FYB2: variants seen among roughly 807,000 people sequenced by gnomAD.
FYB2 encodes FYN-binding protein 2.
FYB2 carries 103 observed loss-of-function variants against 94.1 expected under a neutral mutation model. That is an observed-to-expected ratio of 1.09 (90% CI 0.93 to 1.29). The LOEUF (loss-of-function observed/expected upper bound fraction) is 1.29, where lower values mean the gene tolerates loss of function less well. FYB2 is among the 50% of genes most tolerant of loss of function. The pLI is 0.00. For synonymous variants in FYB2, 293 were observed against 287.9 expected, an observed-to-expected ratio of 1.02 and a Z score of -0.18; for missense variants, 896 against 841.5, an observed-to-expected ratio of 1.06 and a Z score of -0.80.
intron 15 of FYB2, among the ~76,000 whole-genome samples, chr1:56,727,406 T>C (rs12075092): frequency 0.15 from 22,313 of 152,038 alleles, 2,670 homozygotes; most frequent in African/African-American, 0.32. Context: ...TGTGGCAGTA[T>C]TATTTGTAAG....
intron 4 of FYB2, among the ~76,000 whole-genome samples, chr1:56,784,479 T>C (rs892504832): frequency 4.6e-5 from 7 of 152,162 alleles, no homozygotes; most frequent in Admixed American, 1.3e-4. Flanking sequence ...GAGCACCAGT[T>C]TCCAGGGAAG....
At position 56,719,908 on chromosome 1, in the gene FYB2, A is replaced by T. The variant is rs558650643; in HGVS notation, c.2165+114T>A. ...TTATAGAATAGGGCACTGCATGTCT[A>T]ATTTTTAAAACTTATCCTGAATTTC... On this transcript the variant is annotated intron_variant, in intron 19 of 19. Coordinates refer to ENST00000343433, the MANE Select transcript of FYB2 (RefSeq NM_001004303.5). The T allele has an allele frequency of 2.7e-5, 32 of 1,195,468 alleles. No individual in the cohort carries two copies. In the South Asian group the frequency reaches 5.1e-4, roughly 19 times the overall value. The allele number at this position is 1,195,468 out of a possible 1,614,324, so 74.1% of individuals were successfully genotyped here. A position where few individuals can be genotyped will look rare whatever the true frequency, so the allele number is the denominator to read the frequency against.
At chr1:56,741,964 G>T (rs572121759) in intron 12 of FYB2, among the ~76,000 whole-genome samples, 197 bp downstream of exon 12, 103 of 151,340 alleles carry the variant, frequency 6.8e-4, no homozygotes, top group African/African-American at 2.3e-3. Flanking sequence ...ACAATTACAA[G>T]TATCCTATTG....
chr1:56,767,529 A>G (rs747476824), intron 5 of FYB2, among the ~76,000 whole-genome samples: 1 of 152,206 alleles, frequency 6.6e-6, no homozygotes, highest in Non-Finnish European at 1.5e-5. Context: ...GAATCATCAT[A>G]TCTTGATTTT....
Position 56,814,241 on chromosome 1 carries a change from C to T in FYB2, c.9+5041G>A, listed in dbSNP as rs535031639. ...CTCGAGTTAGAGTATACAGGGCAGG[C>T]ACCAGAGTGCCTCGGCTTTATCATC... is the stretch of plus-strand genomic sequence containing the variant. On this transcript the variant is annotated intron_variant, in intron 1 of 19. Coordinates refer to ENST00000343433, the MANE Select transcript of FYB2 (RefSeq NM_001004303.5). Among the ~76,000 whole-genome samples the T allele has an allele frequency of 4.6e-5, 7 of 152,318 alleles. No homozygotes were observed. The East Asian group carries it at 1.4e-3, about 29-fold the overall frequency.
At position 56,757,944 on chromosome 1, in the gene FYB2, A is replaced by AT. The variant is rs57915983; in HGVS notation, c.1098+771dup. On this transcript the variant is annotated intron_variant, in intron 6 of 19. Transcript: ENST00000343433. ...ACCACCACTCCTGGCTAATTTTTGTATTTTTTTTTTTTTTTGTAGGGACAG... is the reference window on the plus strand; with the variant it reads ...ACCACCACTCCTGGCTAATTTTTGTATTTTTTTTTTTTTTTTGTAGGGACAG... Among the ~76,000 whole-genome samples the AT allele has an allele frequency of 5.9e-4, 82 of 139,260 alleles. 1 individual carries two copies. Among genetic ancestry groups the AT allele is most frequent in the South Asian group, 1.1e-3 (5 of 4,358 alleles). 91.4% of individuals were successfully genotyped at this position (139,260 alleles called of 152,430 possible). A position where few individuals can be genotyped will look rare whatever the true frequency, so the allele number is the denominator to read the frequency against.
Position 56,744,180 on chromosome 1 carries a change from C to T in FYB2, c.1474G>A (p.Asp492Asn). 1.2e-6 allele frequency: 2 copies of T among 1,612,702 alleles called. No individual in the cohort carries two copies. The highest frequency in any genetic ancestry group is 1.7e-5 in the Admixed American group (1 of 59,806). ...KTSSISEEIY[D>N]DVEYSRKEVP... ...TCTTTCCTGGAGTACTCGACATCAT[C>T]ATATATCTCCTCCGAGATGGAACTT... The change falls in exon 10 of 20, where the codon GAT becomes AAT. Residue 492 changes from aspartate (D) to asparagine (N), a missense_variant. Physicochemically the swap from Asp to Asn is conservative, Grantham distance 23. Coordinates refer to ENST00000343433, the MANE Select transcript of FYB2 (RefSeq NM_001004303.5).
At position 56,742,279 on chromosome 1, in the gene FYB2, T is replaced by C. The variant is rs1644973931; in HGVS notation, c.1544-58A>G. 6 of 1,339,408 alleles carry C rather than the reference T, an allele frequency of 4.5e-6. No individual in the cohort carries two copies. The South Asian group carries it at 6.5e-5, about 14-fold the overall frequency. The allele number at this position is 1,339,408 out of a possible 1,614,324, so 83.0% of individuals were successfully genotyped here. ...TTATAATAGCAATAGTTCAGATTCA[T>C]ATTTAACAAAAAGTATTAGATACTT... is the stretch of plus-strand genomic sequence containing the variant. On this transcript the variant is annotated intron_variant, in intron 11 of 19. Transcript: ENST00000343433.
At chr1:56,765,538 T>A (rs1454154792) in intron 5 of FYB2, among the ~76,000 whole-genome samples, 1 of 152,190 alleles carries the variant, frequency 6.6e-6, no homozygotes, top group Non-Finnish European at 1.5e-5. Flanking sequence ...TGGGCCACAT[T>A]TTTTTCTATG....
At chr1:56,815,991 T>C (rs1368161476) in intron 1 of FYB2, among the ~76,000 whole-genome samples, 1 of 152,128 alleles carries the variant, frequency 6.6e-6, no homozygotes, top group Non-Finnish European at 1.5e-5. Context: ...AACTATACAA[T>C]AAAACAAAAT....
At chr1:56,726,440 G>T (rs1190418662) in intron 16 of FYB2, 57 bp downstream of exon 16, 12 of 1,490,094 alleles carry the variant, frequency 8.1e-6, no homozygotes, top group Non-Finnish European at 1.1e-5. Context: ...CACACAGCTA[G>T]TAAGAGGTAT....
intron 7 of FYB2, among the ~76,000 whole-genome samples, chr1:56,755,391 G>A (rs1440774829): frequency 6.6e-6 from 1 of 152,108 alleles, no homozygotes; most frequent in African/African-American, 2.4e-5. Flanking sequence ...TGGAATGAAG[G>A]AAGGGTTCAT....
chr1:56,781,397 A>G (rs1224290643), intron 4 of FYB2, among the ~76,000 whole-genome samples: 1 of 152,086 alleles, frequency 6.6e-6, no homozygotes, highest in Non-Finnish European at 1.5e-5. Flanking sequence ...TTCCTTCCAA[A>G]CAAATCTTTA....
At chr1:56,734,069 A>C (rs1644773870) in intron 15 of FYB2, among the ~76,000 whole-genome samples, 1 of 152,108 alleles carries the variant, frequency 6.6e-6, no homozygotes, top group Non-Finnish European at 1.5e-5. Context: ...TAGGTCCCTA[A>C]GGACTTGCTT....
chr1:56,719,679 A>T lies in FYB2; in HGVS notation c.2179T>A (p.Ser727Thr), dbSNP rs1644447904. The T allele has an allele frequency of 3.1e-6, 5 of 1,597,022 alleles. No individual in the cohort carries two copies. The highest frequency in any genetic ancestry group is 1.7e-4 in the Middle Eastern group (1 of 6,024). Residue 727 changes from serine (S) to threonine (T), a missense_variant, in exon 20 of 20, where the codon TCA becomes ACA. Coordinates refer to ENST00000343433, the MANE Select transcript of FYB2 (RefSeq NM_001004303.5). ...ATTTGATCTTGATTTTTCTAAGGTG[A>T]CCAACTTTGATGCCTGTGAAAAAAT... ...EHLDFKHQSW[S>T]P
At chr1:56,790,409 T>C (rs1219759706) in intron 2 of FYB2, among the ~76,000 whole-genome samples, 1 of 152,252 alleles carries the variant, frequency 6.6e-6, no homozygotes, top group South Asian at 2.1e-4. Flanking sequence ...TAATTATCAC[T>C]AATTGGGCTC....
intron 15 of FYB2, among the ~76,000 whole-genome samples, chr1:56,726,833 C>T (rs2100507793): frequency 6.6e-6 from 1 of 152,152 alleles, no homozygotes; most frequent in South Asian, 2.1e-4. Flanking sequence ...ATATTTGGTC[C>T]TCAGGCCATA....
intron 7 of FYB2, among the ~76,000 whole-genome samples, chr1:56,755,503 TG>T (rs1645305954): frequency 6.6e-6 from 1 of 152,106 alleles, no homozygotes; most frequent in Admixed American, 6.6e-5. Flanking sequence ...TCAAACAGCA[TG>T]GTGCATTTCA....
At chr1:56,795,051 G>T (rs764355086) in intron 1 of FYB2, among the ~76,000 whole-genome samples, 4 of 151,314 alleles carry the variant, frequency 2.6e-5, no homozygotes, top group African/African-American at 4.9e-5. Flanking sequence ...ATCTCTAAGT[G>T]TACAGTTTGG....
Sources: gnomAD v4.1 joint callset for allele counts (sites outside exome capture counted in the v4.1 genomes callset) on GRCh38, gnomAD v4.1.1 for gene constraint, MANE v1.5 for transcripts, NCBI Gene and HGNC (gene_info 2026-07-23, HGNC 2026-07-21) for gene names.